Variants in ST6GAL1 observed in about 807,000 individuals in gnomAD.
The protein encoded by ST6GAL1 is beta-galactoside alpha-2,6-sialyltransferase 1.
A neutral mutation model predicts 38.0 loss-of-function variants in ST6GAL1; 20 were observed. The observed-to-expected ratio is 0.53, with a 90% CI of 0.37 to 0.77. The LOEUF (loss-of-function observed/expected upper bound fraction) is 0.77, where lower values mean the gene tolerates loss of function less well. Ranked by LOEUF, ST6GAL1 falls within the 30% of genes least tolerant of loss-of-function variation. The probability of loss-of-function intolerance (pLI) is 0.00; values close to 1 mark genes in which losing one functional copy is unlikely to be tolerated. For synonymous variants in ST6GAL1, 196 were observed against 188.2 expected (o/e 1.04, Z -0.34); for missense variants, 432 against 496.4 (o/e 0.87, Z 1.23).
At chr3:186,975,047 A>G (rs1715477938) in intron 2 of ST6GAL1, 1 of 152,546 alleles carries the variant, frequency 6.6e-6, no homozygotes, top group African/African-American at 2.4e-5. Flanking sequence ...GATCTTGGAA[A>G]AGAGGAGCGT....
intron 2 of ST6GAL1, among the ~76,000 whole-genome samples, chr3:186,995,512 A>T (rs1461273559): frequency 9.1e-5 from 6 of 66,260 alleles, no homozygotes; most frequent in Admixed American, 5.0e-4. Flanking sequence ...TCTCAAAAAA[A>T]AAATAATAAT....
intron 2 of ST6GAL1, among the ~76,000 whole-genome samples, chr3:186,977,746 A>G (rs541184035): frequency 1.3e-5 from 2 of 152,216 alleles, no homozygotes; most frequent in African/African-American, 2.4e-5. Flanking sequence ...GGATTTTATC[A>G]CATCATATAA....
At chr3:186,937,484 G>A (rs888124188) in intron 1 of ST6GAL1, among the ~76,000 whole-genome samples, 1 of 152,152 alleles carries the variant, frequency 6.6e-6, no homozygotes, top group African/African-American at 2.4e-5. Context: ...TAATACCCCA[G>A]TCTTCAACGT....
intron 3 of ST6GAL1, among the ~76,000 whole-genome samples, chr3:187,041,355 A>G (rs1291190642): frequency 6.6e-6 from 1 of 152,180 alleles, no homozygotes; most frequent in Admixed American, 6.5e-5. Flanking sequence ...TCAGACCCCT[A>G]GTGGGTTAGC....
In ST6GAL1 at chr3:187,068,341, C is replaced by CA. The variant is rs112868643; in HGVS notation, c.706-4490dup. On this transcript the variant is annotated intron_variant, in intron 5 of 7. Coordinates refer to ENST00000169298, the MANE Select transcript of ST6GAL1 (RefSeq NM_173216.2). ...TGGGCAACAGAGCGAGACTCCATCTCAAAAAAAAAAAAAAAAAAGAAGTGT... is the reference window on the plus strand; with the variant it reads ...TGGGCAACAGAGCGAGACTCCATCTCAAAAAAAAAAAAAAAAAAAGAAGTGT... Among the ~76,000 whole-genome samples the CA allele has an allele frequency of 6.2e-3, 542 of 87,666 alleles. 4 individuals carry two copies. The highest frequency in any genetic ancestry group is 0.021 in the South Asian group (58 of 2,806). The allele number at this position is 87,666 out of a possible 152,430, so 57.5% of individuals were successfully genotyped here. A position where few individuals can be genotyped will look rare whatever the true frequency, so the allele number is the denominator to read the frequency against.
intron 1 of ST6GAL1, among the ~76,000 whole-genome samples, chr3:186,942,645 T>A (rs11719440): frequency 1.3e-5 from 2 of 152,084 alleles, no homozygotes; most frequent in Non-Finnish European, 2.9e-5. Context: ...GACTTAAGTC[T>A]TAACCAAGTC....
At chr3:187,014,912 A>G (rs1717069413) in intron 2 of ST6GAL1, among the ~76,000 whole-genome samples, 1 of 152,226 alleles carries the variant, frequency 6.6e-6, no homozygotes, top group Admixed American at 6.5e-5. Context: ...ACATGCCACC[A>G]GAGCACATAA....
At chr3:187,025,742 A>G (rs908250105) in intron 2 of ST6GAL1, among the ~76,000 whole-genome samples, 2 of 152,102 alleles carry the variant, frequency 1.3e-5, no homozygotes, top group East Asian at 1.9e-4. Context: ...GGCTGTGTCA[A>G]TCTGGAGTTC....
chr3:186,957,357 C>T (rs1460013535), intron 1 of ST6GAL1, among the ~76,000 whole-genome samples: 1 of 152,126 alleles, frequency 6.6e-6, no homozygotes, highest in African/African-American at 2.4e-5. Context: ...ATGGGAGGAT[C>T]ACTTGAGCCA....
intron 2 of ST6GAL1, among the ~76,000 whole-genome samples, chr3:187,034,505 A>C (rs1391275187): frequency 6.6e-6 from 1 of 152,194 alleles, no homozygotes; most frequent in Non-Finnish European, 1.5e-5. Flanking sequence ...AAAAATCCTC[A>C]ACAAAACACT....
intron 5 of ST6GAL1, among the ~76,000 whole-genome samples, chr3:187,066,573 T>C (rs1719140254): frequency 6.6e-6 from 1 of 150,512 alleles, no homozygotes; most frequent in Non-Finnish European, 1.5e-5. Flanking sequence ...ATATGCACAG[T>C]GGTAATATCT....
chr3:187,061,412 A>C (rs1452244118), intron 5 of ST6GAL1, among the ~76,000 whole-genome samples: 2 of 152,186 alleles, frequency 1.3e-5, no homozygotes, highest in Non-Finnish European at 2.9e-5. Context: ...AGGGACCCCG[A>C]TTAACCAAAC....
At chr3:186,942,026 A>C (rs1220296816) in intron 1 of ST6GAL1, among the ~76,000 whole-genome samples, 1 of 151,434 alleles carries the variant, frequency 6.6e-6, no homozygotes, top group Non-Finnish European at 1.5e-5. Flanking sequence ...AAAAAAAAAA[A>C]GTTGCAAGTA....
At chr3:186,954,081 GT>G (rs1000761753) in intron 1 of ST6GAL1, among the ~76,000 whole-genome samples, 5 of 152,128 alleles carry the variant, frequency 3.3e-5, no homozygotes, top group Admixed American at 6.5e-5. Flanking sequence ...AACATATGGT[GT>G]TTGATTTTCT....
At chr3:187,063,232 G>A (rs58773817) in intron 5 of ST6GAL1, among the ~76,000 whole-genome samples, 2,949 of 152,290 alleles carry the variant, frequency 0.019, 93 homozygotes, top group African/African-American at 0.063. Context: ...GAGCCAAAGC[G>A]TAGTGGAGGA....
intron 2 of ST6GAL1, among the ~76,000 whole-genome samples, chr3:187,022,493 G>A (rs1415736458): frequency 6.6e-6 from 1 of 152,272 alleles, no homozygotes; most frequent in African/African-American, 2.4e-5. Flanking sequence ...GAATGCCTGA[G>A]TAAGATAAGG....
chr3:187,027,016 T>A (rs1717562669), intron 2 of ST6GAL1, among the ~76,000 whole-genome samples: 1 of 151,106 alleles, frequency 6.6e-6, no homozygotes, highest in South Asian at 2.1e-4. Context: ...ACCACTGCAC[T>A]CCAGCCTGGG....
intron 2 of ST6GAL1, among the ~76,000 whole-genome samples, chr3:186,978,472 G>A (rs1446082446): frequency 6.6e-6 from 1 of 152,166 alleles, no homozygotes; most frequent in Admixed American, 6.5e-5. Flanking sequence ...TGTTCCAGGA[G>A]GGACTTGACC....
intron 2 of ST6GAL1, among the ~76,000 whole-genome samples, chr3:187,015,026 TA>T (rs1717072574): frequency 6.6e-6 from 1 of 152,202 alleles, no homozygotes; most frequent in Admixed American, 6.5e-5. Context: ...CTAAATTTGT[TA>T]AAGGAAATTC....
Sources: allele counts gnomAD v4.1 joint callset (sites outside exome capture counted in the v4.1 genomes callset), GRCh38; gene constraint gnomAD v4.1.1; transcripts MANE v1.5; gene names NCBI Gene and HGNC (gene_info 2026-07-23, HGNC 2026-07-21).